KCNJ3: variants seen among roughly 807,000 people sequenced by gnomAD.
KCNJ3 encodes G protein-activated inward rectifier potassium channel 1.
Under a neutral mutation model 39.2 loss-of-function variants are expected in KCNJ3, and 4 were observed. The observed-to-expected ratio is 0.10, with a 90% CI of 0.05 to 0.23. KCNJ3 has a LOEUF of 0.23. KCNJ3 is among the 10% of genes least tolerant of loss of function. The probability of loss-of-function intolerance (pLI) is 1.00; values close to 1 mark genes in which losing one functional copy is unlikely to be tolerated. For synonymous variants in KCNJ3, 230 were observed against 237.4 expected, an observed-to-expected ratio of 0.97 and a Z score of 0.29; for missense variants, 276 against 634.9, an observed-to-expected ratio of 0.43 and a Z score of 6.08.
chr2:154,733,028 C>T (rs1282695615), intron 2 of KCNJ3, among the ~76,000 whole-genome samples: 3 of 152,036 alleles, frequency 2.0e-5, no homozygotes. Context: ...TTTGGTTAAC[C>T]TATTTGTATG....
At chr2:154,848,715 A>G (rs1687704472) in intron 2 of KCNJ3, among the ~76,000 whole-genome samples, 1 of 152,160 alleles carries the variant, frequency 6.6e-6, no homozygotes. Context: ...AAGATTAGAA[A>G]AACGGAGGTT....
chr2:154,754,773 G>A (rs1685909078), intron 2 of KCNJ3, among the ~76,000 whole-genome samples: 1 of 152,048 alleles, frequency 6.6e-6, no homozygotes, highest in East Asian at 1.9e-4. Flanking sequence ...TATAAAACTA[G>A]TTGGTAAAAT....
At chr2:154,703,150 C>T (rs958884528) in intron 1 of KCNJ3, among the ~76,000 whole-genome samples, 81 of 151,704 alleles carry the variant, frequency 5.3e-4, no homozygotes, top group Admixed American at 1.2e-3. Context: ...GATAACTGTT[C>T]GAGAAATTAC....
intron 2 of KCNJ3, among the ~76,000 whole-genome samples, chr2:154,838,347 G>A (rs1487343713): frequency 6.6e-6 from 1 of 152,176 alleles, no homozygotes; most frequent in Non-Finnish European, 1.5e-5. Flanking sequence ...GAAAAAGGCT[G>A]GCTCTAAAAT....
chr2:154,779,689 G>C (rs933829925), intron 2 of KCNJ3, among the ~76,000 whole-genome samples: 1 of 151,304 alleles, frequency 6.6e-6, no homozygotes, highest in African/African-American at 2.4e-5. Flanking sequence ...GGCTACAGGC[G>C]CATGCCACCA....
intron 2 of KCNJ3, among the ~76,000 whole-genome samples, chr2:154,716,332 C>T (rs185944110): frequency 0.011 from 1,333 of 122,564 alleles, 12 homozygotes; most frequent in Non-Finnish European, 0.016. Context: ...TCACCGTGTT[C>T]GCCAGGATGG....
chr2:154,728,504 T>C (rs1685397844), intron 2 of KCNJ3, among the ~76,000 whole-genome samples: 1 of 152,212 alleles, frequency 6.6e-6, no homozygotes, highest in African/African-American at 2.4e-5. Context: ...ACTACAGGCT[T>C]GGTCTCACTT....
At chr2:154,784,753 G>A (rs888163304) in intron 2 of KCNJ3, among the ~76,000 whole-genome samples, 1 of 152,108 alleles carries the variant, frequency 6.6e-6, no homozygotes, top group East Asian at 1.9e-4. Context: ...AAGAACACAA[G>A]CAAAGTTGTG....
At chr2:154,801,060 G>C (rs1167367127) in intron 2 of KCNJ3, among the ~76,000 whole-genome samples, 4 of 152,110 alleles carry the variant, frequency 2.6e-5, no homozygotes, top group Non-Finnish European at 5.9e-5. Context: ...GATATAGCAG[G>C]TACAGTGTAG....
At chr2:154,764,369 T>C (rs1314626895) in intron 2 of KCNJ3, among the ~76,000 whole-genome samples, 1 of 152,216 alleles carries the variant, frequency 6.6e-6, no homozygotes, top group East Asian at 1.9e-4. Context: ...GTATGGCCAC[T>C]TAATGACTGT....
At position 154,851,346 on chromosome 2, in the gene KCNJ3, C is replaced by T. The variant is rs146195279; in HGVS notation, c.920-3381C>T. Among the ~76,000 whole-genome samples, 68 of 152,264 alleles carry T rather than the reference C, an allele frequency of 4.5e-4. 3 individuals are homozygous for T. The East Asian group carries it at 9.7e-3, about 22-fold the overall frequency. On this transcript the variant is annotated intron_variant, in intron 2 of 2. Coordinates refer to ENST00000295101, the MANE Select transcript of KCNJ3 (RefSeq NM_002239.4). ...ATTACAAAGATGTAAAAATTCATCA[C>T]ACATATTAAGGCACCTTACTAATTT...
intron 2 of KCNJ3, among the ~76,000 whole-genome samples, chr2:154,795,200 T>C (rs1686701637): frequency 6.6e-6 from 1 of 152,024 alleles, no homozygotes; most frequent in Admixed American, 6.6e-5. Flanking sequence ...ATTTTCTATA[T>C]GAATGCTGTT....
At chr2:154,789,351 T>G (rs921632013) in intron 2 of KCNJ3, among the ~76,000 whole-genome samples, 1 of 152,076 alleles carries the variant, frequency 6.6e-6, no homozygotes, top group African/African-American at 2.4e-5. Context: ...AATATTTGTT[T>G]TATTTAGTAA....
At chr2:154,725,709 A>C (rs1685342015) in intron 2 of KCNJ3, among the ~76,000 whole-genome samples, 1 of 152,190 alleles carries the variant, frequency 6.6e-6, no homozygotes, top group Middle Eastern at 3.2e-3. Context: ...AAACTATACT[A>C]TAAGGTTACA....
chr2:154,809,888 T>TTA lies in KCNJ3; in HGVS notation c.920-44823_920-44822dup, dbSNP rs35622339. On this transcript the variant is annotated intron_variant, in intron 2 of 2. Transcript: ENST00000295101. ...ATGAAATTCTATATCATAGAAAATA[T>TTA]TATATATATATATATATGCACACAC... Among the ~76,000 whole-genome samples, 744 of 149,832 alleles carry TTA rather than the reference T, an allele frequency of 5.0e-3. 5 individuals are homozygous for TTA. Among genetic ancestry groups the TTA allele is most frequent in the Middle Eastern group, 0.01 (3 of 288 alleles).
chr2:154,724,272 C>T (rs2105161980), intron 2 of KCNJ3, among the ~76,000 whole-genome samples: 1 of 152,018 alleles, frequency 6.6e-6, no homozygotes, highest in East Asian at 1.9e-4. Context: ...TCTGTGTGTG[C>T]ATCCTGGCTT....
At chr2:154,700,045 C>T (rs1030731385) in intron 1 of KCNJ3, among the ~76,000 whole-genome samples, 6 of 152,130 alleles carry the variant, frequency 3.9e-5, no homozygotes, top group Non-Finnish European at 8.8e-5. Flanking sequence ...AACAAACACA[C>T]AGATACAAGA....
intron 2 of KCNJ3, among the ~76,000 whole-genome samples, chr2:154,804,380 G>A (rs1402970750): frequency 1.3e-5 from 2 of 152,058 alleles, no homozygotes; most frequent in African/African-American, 2.4e-5. Context: ...TTCTGATACC[G>A]GGTCACTTGA....
intron 2 of KCNJ3, among the ~76,000 whole-genome samples, chr2:154,805,315 G>A (rs1686891039): frequency 6.6e-6 from 1 of 152,138 alleles, no homozygotes; most frequent in Non-Finnish European, 1.5e-5. Context: ...CTGAAATTGT[G>A]TAAGTGCCTT....
Sources: gnomAD v4.1 joint callset for allele counts (sites outside exome capture counted in the v4.1 genomes callset) on GRCh38, gnomAD v4.1.1 for gene constraint, MANE v1.5 for transcripts, NCBI Gene and HGNC (gene_info 2026-07-23, HGNC 2026-07-21) for gene names.